CPQ: variants seen among roughly 807,000 people sequenced by gnomAD.
The protein encoded by CPQ is carboxypeptidase Q.
In CPQ, 37 loss-of-function variants were observed where a neutral mutation model predicts 45.7. The ratio of observed to expected loss-of-function variants is 0.81; its 90% CI spans 0.62 to 1.07. CPQ has a LOEUF of 1.07. Ranked by LOEUF, CPQ falls within the 50% of genes least tolerant of loss-of-function variation. The pLI, the probability that CPQ is intolerant of heterozygous loss-of-function variation, is 0.00. For synonymous variants in CPQ, 186 were observed against 205.8 expected, an observed-to-expected ratio of 0.90 and a Z score of 0.82; for missense variants, 537 against 572.9, an observed-to-expected ratio of 0.94 and a Z score of 0.64.
intron 1 of CPQ, among the ~76,000 whole-genome samples, chr8:96,646,801 G>A (rs746167709): frequency 6.6e-6 from 1 of 152,186 alleles, no homozygotes; most frequent in South Asian, 2.1e-4. Flanking sequence ...ATGGAGTTCT[G>A]CTTACTTCAC....
intron 4 of CPQ, among the ~76,000 whole-genome samples, chr8:96,947,259 ATGAC>A (rs1804258907): frequency 6.6e-6 from 1 of 152,214 alleles, no homozygotes; most frequent in Admixed American, 6.5e-5. Flanking sequence ...GTTTTGATCA[ATGAC>A]TGGCCACATG....
chr8:96,879,186 T>C (rs1325694811), intron 3 of CPQ, among the ~76,000 whole-genome samples: 1 of 152,206 alleles, frequency 6.6e-6, no homozygotes, highest in African/African-American at 2.4e-5. Context: ...AAAAGTATAA[T>C]AGTTTTTTTT....
At chr8:97,090,777 C>T (rs2130565301) in intron 7 of CPQ, among the ~76,000 whole-genome samples, 1 of 152,294 alleles carries the variant, frequency 6.6e-6, no homozygotes, top group African/African-American at 2.4e-5. Flanking sequence ...GAGTGGGGGA[C>T]AGTTCTCAAG....
At chr8:96,715,414 T>C (rs1343424474) in intron 1 of CPQ, among the ~76,000 whole-genome samples, 3 of 152,142 alleles carry the variant, frequency 2.0e-5, no homozygotes, top group South Asian at 2.1e-4. Context: ...TCTAAGTAGA[T>C]AGGGATTGTG....
intron 4 of CPQ, among the ~76,000 whole-genome samples, chr8:96,915,852 C>A (rs755432825): frequency 1.3e-5 from 2 of 152,160 alleles, no homozygotes; most frequent in Non-Finnish European, 1.5e-5. Flanking sequence ...ACCTTAATTA[C>A]TCAAGAGAAC....
chr8:96,874,722 T>C (rs1026563118), intron 3 of CPQ, among the ~76,000 whole-genome samples: 2 of 151,898 alleles, frequency 1.3e-5, no homozygotes, highest in African/African-American at 4.8e-5. Context: ...TGCATTTTGT[T>C]TACACATTTA....
intron 1 of CPQ, among the ~76,000 whole-genome samples, chr8:96,709,615 G>C (rs1341147293): frequency 6.6e-6 from 1 of 152,098 alleles, no homozygotes; most frequent in Non-Finnish European, 1.5e-5. Flanking sequence ...TAGATACCTA[G>C]TAGTGGGATT....
chr8:96,835,668 A>G (rs1811520484), intron 3 of CPQ, among the ~76,000 whole-genome samples: 3 of 152,186 alleles, frequency 2.0e-5, no homozygotes, highest in South Asian at 2.1e-4. Flanking sequence ...CTCCCAAACA[A>G]CTAGGTGGTC....
At chr8:97,115,486 G>A (rs1296875975) in intron 7 of CPQ, among the ~76,000 whole-genome samples, 1 of 152,176 alleles carries the variant, frequency 6.6e-6, no homozygotes, top group Admixed American at 6.5e-5. Context: ...TTAGTTACCG[G>A]GTAGGAATAT....
chr8:96,768,039 C>T lies in CPQ; in HGVS notation c.-34-16825C>T, dbSNP rs181017163. ...TTTATTCCATACTCCAAATTTGTCT[C>T]TTTCCAAGTATCTTCCTAATTCCTT... On this transcript the variant is annotated intron_variant, in intron 1 of 7. Transcript: ENST00000220763. 5.0e-4 allele frequency among the ~76,000 whole-genome samples: 76 copies of T among 152,210 alleles called. 1 individual carries two copies. The highest frequency in any genetic ancestry group is 1.8e-3 in the African/African-American group (73 of 41,534).
chr8:96,791,285 A>G (rs185602422), intron 2 of CPQ, among the ~76,000 whole-genome samples: 2 of 152,140 alleles, frequency 1.3e-5, no homozygotes, highest in Non-Finnish European at 1.5e-5. Context: ...CATTTATAAG[A>G]TTACTATTTT....
At chr8:96,903,353 T>A (rs1011034998) in intron 4 of CPQ, among the ~76,000 whole-genome samples, 1 of 152,188 alleles carries the variant, frequency 6.6e-6, no homozygotes, top group African/African-American at 2.4e-5. Flanking sequence ...AGAAAGGACA[T>A]AGATTCTTTG....
chr8:96,664,626 C>A (rs1179708596), intron 1 of CPQ, among the ~76,000 whole-genome samples: 2 of 152,040 alleles, frequency 1.3e-5, no homozygotes, highest in Non-Finnish European at 2.9e-5. Context: ...GGAGCAAACA[C>A]AGAGAAAATT....
chr8:96,834,910 T>G (rs1811506685), intron 2 of CPQ, 63 bp from the exon 3 acceptor site: 2 of 1,443,528 alleles, frequency 1.4e-6, no homozygotes, highest in African/African-American at 1.4e-5. Flanking sequence ...TGACCTTTCC[T>G]GTGCCAATTC....
chr8:96,904,444 G>T (rs1484406349), intron 4 of CPQ, among the ~76,000 whole-genome samples: 1 of 152,122 alleles, frequency 6.6e-6, no homozygotes, highest in Non-Finnish European at 1.5e-5. Context: ...AATGGCAAAA[G>T]ACCCTTGTTA....
At chr8:96,906,981 T>C (rs1812587836) in intron 4 of CPQ, among the ~76,000 whole-genome samples, 1 of 152,206 alleles carries the variant, frequency 6.6e-6, no homozygotes, top group African/African-American at 2.4e-5. Context: ...AGGAGGAGCA[T>C]TTATCAAGGC....
chr8:97,095,096 G>T (rs536621835), intron 7 of CPQ, among the ~76,000 whole-genome samples: 1 of 152,188 alleles, frequency 6.6e-6, no homozygotes, highest in African/African-American at 2.4e-5. Context: ...TTACGTGTTA[G>T]TATATGCTAG....
intron 4 of CPQ, among the ~76,000 whole-genome samples, chr8:96,881,575 C>T (rs1296217556): frequency 4.6e-5 from 7 of 152,142 alleles, no homozygotes; most frequent in Non-Finnish European, 8.8e-5. Flanking sequence ...GAAGTTTCTT[C>T]ATTTTATAGG....
chr8:96,900,075 G>T (rs1346408769), intron 4 of CPQ, among the ~76,000 whole-genome samples: 1 of 152,138 alleles, frequency 6.6e-6, no homozygotes, highest in Non-Finnish European at 1.5e-5. Context: ...AAACAGCCCA[G>T]TGAAATAGGT....
Sources: gnomAD v4.1 joint callset for allele counts (sites outside exome capture counted in the v4.1 genomes callset) on GRCh38, gnomAD v4.1.1 for gene constraint, MANE v1.5 for transcripts, NCBI Gene and HGNC (gene_info 2026-07-23, HGNC 2026-07-21) for gene names.